DPH6: variants seen among roughly 807,000 people sequenced by gnomAD.
DPH6 encodes diphthine--ammonia ligase.
DPH6 carries 33 observed loss-of-function variants against 38.2 expected under a neutral mutation model. That is an observed-to-expected ratio of 0.86 (90% CI 0.65 to 1.15). DPH6 has a LOEUF of 1.15. DPH6 is among the 50% of genes most tolerant of loss of function. DPH6 has a pLI of 0.00. For missense variants in DPH6, 325 were observed against 320.0 expected, an observed-to-expected ratio of 1.02 and a Z score of -0.12; for synonymous variants, 108 against 103.0, an observed-to-expected ratio of 1.05 and a Z score of -0.30.
intron 3 of DPH6, among the ~76,000 whole-genome samples, chr15:35,461,579 G>A (rs1489932992): frequency 2.0e-5 from 3 of 150,286 alleles, no homozygotes; most frequent in Non-Finnish European, 4.4e-5. Context: ...ATTCTTAGTT[G>A]TGATCTTTTT....
chr15:35,511,869 A>G (rs1313938842), intron 3 of DPH6, among the ~76,000 whole-genome samples: 1 of 152,202 alleles, frequency 6.6e-6, no homozygotes, highest in Non-Finnish European at 1.5e-5. Context: ...ATGATTTAGT[A>G]ATAATTACCA....
the DPH6 span, among the ~76,000 whole-genome samples, chr15:35,181,250 T>A: frequency 6.6e-6 from 1 of 152,062 alleles, no homozygotes; most frequent in South Asian, 2.1e-4. Context: ...GTCACATTAC[T>A]CATGCCTGTG....
chr15:35,266,820 A>T (rs969442937), intron 3 of DPH6, among the ~76,000 whole-genome samples: 5 of 152,226 alleles, frequency 3.3e-5, no homozygotes, highest in African/African-American at 1.2e-4. Context: ...GTACTATGCT[A>T]GGAGCTTTAC....
At chr15:35,499,157 C>G (rs2054593867) in intron 3 of DPH6, among the ~76,000 whole-genome samples, 1 of 152,020 alleles carries the variant, frequency 6.6e-6, no homozygotes, top group Non-Finnish European at 1.5e-5. Context: ...CTTGACTGGT[C>G]TAGAACACCA....
intron 3 of DPH6, among the ~76,000 whole-genome samples, chr15:35,278,893 C>T (rs967341254): frequency 1.3e-5 from 2 of 151,608 alleles, no homozygotes; most frequent in Admixed American, 6.6e-5. Flanking sequence ...ACTAAAAATA[C>T]AAAAAATTAC....
chr15:35,529,589 A>G (rs552133618), intron 3 of DPH6, among the ~76,000 whole-genome samples: 322 of 152,286 alleles, frequency 2.1e-3, no homozygotes, highest in Non-Finnish European at 3.5e-3. Context: ...CTTTAGTTGC[A>G]TGCTCTAATG....
At chr15:35,327,562 G>C (rs560555571), downstream of DPH6, among the ~76,000 whole-genome samples, 1 of 152,056 alleles carries the variant, frequency 6.6e-6, no homozygotes, top group Non-Finnish European at 1.5e-5. Context: ...AGCCAGGATG[G>C]TCTCTATCTG....
chr15:35,202,231 A>T, the DPH6 span, among the ~76,000 whole-genome samples: 97 of 151,904 alleles, frequency 6.4e-4, no homozygotes, highest in East Asian at 0.017. Context: ...TTTCCTAGGC[A>T]CGTTTGAAAG....
At chr15:35,335,340 T>C (rs548509781) in intron 3 of DPH6, among the ~76,000 whole-genome samples, 72 of 152,288 alleles carry the variant, frequency 4.7e-4, no homozygotes, top group Middle Eastern at 3.4e-3. Flanking sequence ...ATTCTGTAGG[T>C]TGTCTGTTTA....
chr15:35,517,591 GT>G (rs935244804), intron 3 of DPH6, among the ~76,000 whole-genome samples: 1 of 151,786 alleles, frequency 6.6e-6, no homozygotes, highest in Non-Finnish European at 1.5e-5. Flanking sequence ...TAAAACATTG[GT>G]TCCTTCTTTA....
At chr15:35,446,178 TGATA>T (rs2141068229) in intron 5 of DPH6, among the ~76,000 whole-genome samples, 1 of 152,060 alleles carries the variant, frequency 6.6e-6, no homozygotes, top group Non-Finnish European at 1.5e-5. Context: ...TTTACAGTAT[TGATA>T]AATACAGTAC....
intron 3 of DPH6, among the ~76,000 whole-genome samples, chr15:35,537,514 C>G (rs568659151): frequency 3.2e-4 from 48 of 152,160 alleles, no homozygotes; most frequent in African/African-American, 1.1e-3. Flanking sequence ...ATAAAATCAT[C>G]CTTATTAATT....
chr15:35,477,251 T>G (rs1006180378), intron 3 of DPH6, among the ~76,000 whole-genome samples: 2 of 151,884 alleles, frequency 1.3e-5, no homozygotes, highest in African/African-American at 4.8e-5. Context: ...TACATAAAAT[T>G]TCAAATAAAT....
At position 35,386,121 on chromosome 15, in the gene DPH6, G is replaced by A. The variant is rs554033951; in HGVS notation, c.568-4205C>T. 9.2e-5 allele frequency among the ~76,000 whole-genome samples: 14 copies of A among 152,248 alleles called. No homozygotes were observed. In the East Asian group the frequency reaches 2.7e-3, roughly 30 times the overall value. ...TGTTTGGTTTTTTGTCCTTGTGATA[G>A]TTTGCTGAGAATGATGGTTTCCAGC... is the stretch of plus-strand genomic sequence containing the variant. On this transcript the variant is annotated intron_variant, in intron 6 of 8. Transcript: ENST00000256538.
the DPH6 span, among the ~76,000 whole-genome samples, chr15:35,193,175 A>G: frequency 1.3e-5 from 2 of 152,256 alleles, no homozygotes; most frequent in East Asian, 1.9e-4. Flanking sequence ...ATATCTGAAT[A>G]CTGAAATGTG....
chr15:35,296,003 G>A (rs141876012), intron 3 of DPH6, among the ~76,000 whole-genome samples: 1 of 151,560 alleles, frequency 6.6e-6, no homozygotes, highest in Non-Finnish European at 1.5e-5. Flanking sequence ...GCAGTGGCGC[G>A]ATCTCTGTTC....
At chr15:35,384,872 C>G (rs1362264796) in intron 6 of DPH6, among the ~76,000 whole-genome samples, 1 of 152,010 alleles carries the variant, frequency 6.6e-6, no homozygotes, top group Non-Finnish European at 1.5e-5. Flanking sequence ...AGTTACCCAT[C>G]TGGCAAAGGG....
At chr15:35,163,220 T>C in the DPH6 span, among the ~76,000 whole-genome samples, 2 of 151,858 alleles carry the variant, frequency 1.3e-5, no homozygotes. Flanking sequence ...AAAACAAGAA[T>C]AGTTTGTTCT....
At chr15:35,426,680 G>A (rs181040481) in intron 5 of DPH6, among the ~76,000 whole-genome samples, 55 of 151,686 alleles carry the variant, frequency 3.6e-4, no homozygotes, top group African/African-American at 1.2e-3. Flanking sequence ...AACCCAAAAG[G>A]TGAGACTTCA....
Sources: allele counts gnomAD v4.1 joint callset (sites outside exome capture counted in the v4.1 genomes callset), GRCh38; gene constraint gnomAD v4.1.1; transcripts MANE v1.5; gene names NCBI Gene and HGNC (gene_info 2026-07-23, HGNC 2026-07-21).